TASOR: variants seen among roughly 807,000 people sequenced by gnomAD.
TASOR encodes protein TASOR.
Under a neutral mutation model 178.6 loss-of-function variants are expected in TASOR, and 53 were observed. That is an observed-to-expected ratio of 0.30 (90% CI 0.24 to 0.37). TASOR has a LOEUF of 0.37. TASOR is among the 10% of genes least tolerant of loss of function. TASOR has a pLI of 1.00. For missense variants in TASOR, 1,815 were observed against 1,971.4 expected (o/e 0.92, Z 1.50); for synonymous variants, 713 against 696.2 (o/e 1.02, Z -0.38).
intron 20 of TASOR, 37 bp downstream of exon 20, chr3:56,627,545 G>C (rs1415046504): frequency 6.2e-7 from 1 of 1,607,000 alleles, no homozygotes; most frequent in Non-Finnish European, 8.5e-7. Flanking sequence ...ATGAGAGTCA[G>C]AAGAGGAGTT....
rs543134124 is a variant in TASOR, at chr3:56,674,610, CAT to C, written c.332-887_332-886del. On this transcript the variant is annotated intron_variant, in intron 1 of 23. Coordinates refer to ENST00000683822, the MANE Select transcript of TASOR (RefSeq NM_001365635.2). ...TTATGACAACTTAGTAAAATGAAAA[CAT>C]GTGGGGCTTTAGAGTCAAAGCTGGA... Among the ~76,000 whole-genome samples, 169 of 152,292 alleles carry C rather than the reference CAT, an allele frequency of 1.1e-3. 2 individuals carry two copies. The highest frequency in any genetic ancestry group is 1.8e-3 in the Admixed American group (27 of 15,304).
At chr3:56,655,001 C>T (rs950943090) in intron 11 of TASOR, among the ~76,000 whole-genome samples, 1 of 152,182 alleles carries the variant, frequency 6.6e-6, no homozygotes. Flanking sequence ...ACCACCCCCA[C>T]CATAAACTAT....
rs549483568 is a variant in TASOR at position 56,653,084 on chromosome 3, G to A, written c.1369-4027C>T. ...GTTCACAACCACTGGCCAACATGGCGAAACCCTGTCTCTACTAAATACACG... is the reference window on the plus strand; with the variant it reads ...GTTCACAACCACTGGCCAACATGGCAAAACCCTGTCTCTACTAAATACACG... On this transcript the variant is annotated intron_variant, in intron 11 of 23. Coordinates refer to ENST00000683822, the MANE Select transcript of TASOR (RefSeq NM_001365635.2). Among the ~76,000 whole-genome samples the A allele has an allele frequency of 1.3e-4, 19 of 151,794 alleles. No individual in the cohort carries two copies. In the South Asian group the frequency reaches 2.3e-3, roughly 18 times the overall value.
At chr3:56,646,066 T>A (rs1320233787) in intron 14 of TASOR, among the ~76,000 whole-genome samples, 3 of 152,100 alleles carry the variant, frequency 2.0e-5, no homozygotes, top group African/African-American at 7.2e-5. Context: ...GAGAATGGCA[T>A]GAACCCAGGA....
At chr3:56,638,912 TCAA>T in intron 16 of TASOR, 147 bp from the exon 17 acceptor site, 1 of 741,114 alleles carries the variant, frequency 1.3e-6, no homozygotes. Flanking sequence ...TGATGGAATA[TCAA>T]CACTTAAGAC....
intron 1 of TASOR, 124 bp downstream of exon 1, chr3:56,682,552 A>T: frequency 1.1e-6 from 1 of 891,374 alleles, no homozygotes; most frequent in Non-Finnish European, 1.5e-6. Flanking sequence ...GTGAGGGGAG[A>T]GGCGGCCGGC....
At position 56,621,000 on chromosome 3, in the gene TASOR, A is replaced by AAGTAAGTTAGTTAGTT. The variant is rs1553717567; in HGVS notation, c.*2036_*2037insAACTAACTAACTTACT. 3 of 150,510 alleles carry AAGTAAGTTAGTTAGTT rather than the reference A, an allele frequency of 2.0e-5. No individual in the cohort carries two copies. Among genetic ancestry groups the AAGTAAGTTAGTTAGTT allele is most frequent in the Middle Eastern group, 6.8e-3 (2 of 292 alleles). 9.3% of individuals were successfully genotyped at this position (150,510 alleles called of 1,614,324 possible). A position where few individuals can be genotyped will look rare whatever the true frequency, so the allele number is the denominator to read the frequency against. ...ACCCTGTCTCTACTAAAAATACAAAAAGTTAGTTAGTTAGTTAGCCAGGCG... is the reference window on the plus strand; with the variant it reads ...ACCCTGTCTCTACTAAAAATACAAAAAGTAAGTTAGTTAGTTAGTTAGTTAGTTAGTTAGCCAGGCG... On this transcript the variant is annotated 3_prime_UTR_variant, in exon 24 of 24. Transcript: ENST00000683822.
intron 2 of TASOR, among the ~76,000 whole-genome samples, chr3:56,672,390 T>C (rs2030825571): frequency 6.6e-6 from 1 of 152,210 alleles, no homozygotes. Context: ...AAGATTTTAA[T>C]TTTCTCTGGG....
Position 56,641,352 on chromosome 3 carries a change from T to G in TASOR, c.2616A>C (p.Lys872Asn). The change falls in exon 15 of 24, where the codon AAA (lysine) becomes AAC (asparagine). Residue 872 changes from lysine to asparagine, a missense_variant. Lys to Asn is a moderately conservative substitution (Grantham distance 94). This residue lies in a region of TASOR where 655 missense variants were observed against 671.1 expected (regional missense o/e 0.98). Transcript: ENST00000683822. ...TAACCAACAGCTATATGCTTACTTC[T>G]TTCAAATGTAGCTTATGGTCAGTGC... ...EVGTDHKLHLKEDPNLISVNN... is the reference protein window; with the variant it reads ...EVGTDHKLHLNEDPNLISVNN... 6.3e-7 allele frequency: 1 copy of G among 1,586,436 alleles called. No homozygotes were observed. The highest frequency in any genetic ancestry group is 8.6e-7 in the Non-Finnish European group (1 of 1,158,336).
Position 56,665,434 on chromosome 3 carries a change from C to T in TASOR, c.1022+826G>A, listed in dbSNP as rs866906474. Among the ~76,000 whole-genome samples, 3 of 152,134 alleles carry T rather than the reference C, an allele frequency of 2.0e-5. No individual in the cohort carries two copies. The Middle Eastern group carries it at 0.01, about 517-fold the overall frequency. On this transcript the variant is annotated intron_variant, in intron 7 of 23. Coordinates refer to ENST00000683822, the MANE Select transcript of TASOR (RefSeq NM_001365635.2). ...GCAGTGGTGCGATCACAGCTCACTG[C>T]CAACCTCCACCGCCCAGGTTCAAGC...
At chr3:56,624,288 T>A (rs1480957680) in intron 23 of TASOR, among the ~76,000 whole-genome samples, 191 bp downstream of exon 23, 1 of 152,194 alleles carries the variant, frequency 6.6e-6, no homozygotes, top group Non-Finnish European at 1.5e-5. Flanking sequence ...TTACACTGGC[T>A]ACAGTATAAT....
chr3:56,677,042 T>C (rs1350475479), intron 1 of TASOR, among the ~76,000 whole-genome samples: 1 of 152,250 alleles, frequency 6.6e-6, no homozygotes, highest in Non-Finnish European at 1.5e-5. Context: ...ATCCTGCAAC[T>C]ATTTTTAAGG....
At chr3:56,661,742 T>C (rs1476536057) in intron 9 of TASOR, among the ~76,000 whole-genome samples, 3 of 152,208 alleles carry the variant, frequency 2.0e-5, no homozygotes, top group Non-Finnish European at 4.4e-5. Context: ...CTGGTAACTT[T>C]TAAGTCTACT....
chr3:56,637,966 C>T (rs756386893), intron 17 of TASOR, among the ~76,000 whole-genome samples: 1 of 152,006 alleles, frequency 6.6e-6, no homozygotes, highest in Non-Finnish European at 1.5e-5. Flanking sequence ...ATTTAATCTA[C>T]CTGCAGAAAT....
chr3:56,638,035 A>C (rs1175449611), intron 17 of TASOR, among the ~76,000 whole-genome samples: 1 of 152,150 alleles, frequency 6.6e-6, no homozygotes, highest in Non-Finnish European at 1.5e-5. Context: ...CTAAAATATA[A>C]ATGGCTTACC....
At chr3:56,632,952 A>C in intron 18 of TASOR, 92 bp downstream of exon 18, 4 of 1,072,776 alleles carry the variant, frequency 3.7e-6, no homozygotes, top group Non-Finnish European at 5.2e-6. Context: ...TTTAAACACA[A>C]AACATTTAAA....
intron 11 of TASOR, among the ~76,000 whole-genome samples, chr3:56,653,901 C>G (rs1268830298): frequency 6.6e-6 from 1 of 152,102 alleles, no homozygotes; most frequent in Non-Finnish European, 1.5e-5. Context: ...GCAACTAAAG[C>G]ACTACTTACA....
rs192287472 is a variant in TASOR at position 56,620,433 on chromosome 3, T to C, written c.*2604A>G. On this transcript the variant is annotated 3_prime_UTR_variant, in exon 24 of 24. Coordinates refer to ENST00000683822, the MANE Select transcript of TASOR (RefSeq NM_001365635.2). The stretch of plus-strand genomic sequence containing the variant: ...ACAAACAGGTAACATCCTTACACCT[T>C]TGCTCCATCCCTTGGGCTTTAAAAA... 1 of 152,884 alleles carries C rather than the reference T, an allele frequency of 6.5e-6. No homozygotes were observed. The highest frequency in any genetic ancestry group is 1.9e-4 in the East Asian group (1 of 5,206). The allele number at this position is 152,884 out of a possible 1,614,324, so 9.5% of individuals were successfully genotyped here. A position where few individuals can be genotyped will look rare whatever the true frequency, so the allele number is the denominator to read the frequency against.
At chr3:56,639,873 T>TC in intron 16 of TASOR, 113 bp downstream of exon 16, 1 of 843,404 alleles carries the variant, frequency 1.2e-6, no homozygotes, top group Non-Finnish European at 1.8e-6. Context: ...CAGCACCAAT[T>TC]AAGATGAAGC....
Sources: allele counts gnomAD v4.1 joint callset (sites outside exome capture counted in the v4.1 genomes callset), GRCh38; gene constraint gnomAD v4.1.1; regional missense constraint gnomAD v4.1.1; transcripts MANE v1.5; gene names NCBI Gene and HGNC (gene_info 2026-07-23, HGNC 2026-07-21).